Variants in UNC5C observed in about 807,000 individuals in gnomAD.
UNC5C encodes unc-5 netrin receptor C.
UNC5C carries 47 observed loss-of-function variants against 99.8 expected under a neutral mutation model. That is an observed-to-expected ratio of 0.47 (90% CI 0.37 to 0.60). The LOEUF (loss-of-function observed/expected upper bound fraction) is 0.60. Among genes scored for constraint, UNC5C ranks in the 20% least tolerant of loss-of-function variants. The pLI, the probability that UNC5C is intolerant of heterozygous loss-of-function variation, is 0.00. For synonymous variants in UNC5C, 487 were observed against 452.2 expected, an observed-to-expected ratio of 1.08 and a Z score of -0.98; for missense variants, 1,062 against 1,165.9, an observed-to-expected ratio of 0.91 and a Z score of 1.30.
At chr4:95,448,493 A>G (rs545611758) in intron 1 of UNC5C, among the ~76,000 whole-genome samples, 151 of 152,286 alleles carry the variant, frequency 9.9e-4, no homozygotes, top group Non-Finnish European at 1.7e-3. Flanking sequence ...TATGAAATCA[A>G]TTTTAAATTC....
At chr4:95,281,693 A>T (rs745341452) in intron 3 of UNC5C, among the ~76,000 whole-genome samples, 10 of 152,234 alleles carry the variant, frequency 6.6e-5, no homozygotes, top group Non-Finnish European at 1.0e-4. Flanking sequence ...TGGTACAAAC[A>T]CTGAGTGGCA....
chr4:95,531,824 A>G (rs935408137), intron 1 of UNC5C, among the ~76,000 whole-genome samples: 6 of 152,226 alleles, frequency 3.9e-5, no homozygotes, highest in South Asian at 4.1e-4. Flanking sequence ...TTGACTTTAT[A>G]GTGGAGAAAA....
intron 1 of UNC5C, among the ~76,000 whole-genome samples, chr4:95,529,967 C>G (rs1722600577): frequency 1.3e-5 from 2 of 152,160 alleles, no homozygotes; most frequent in Admixed American, 1.3e-4. Flanking sequence ...AATCTGTCTT[C>G]CATATTTGGT....
intron 1 of UNC5C, among the ~76,000 whole-genome samples, chr4:95,489,104 G>T (rs1201839474): frequency 6.7e-6 from 1 of 149,648 alleles, no homozygotes; most frequent in Admixed American, 6.7e-5. Flanking sequence ...GCAGGAAAGG[G>T]GGAGGGGGAG....
chr4:95,520,012 T>C (rs1722309339), intron 1 of UNC5C, among the ~76,000 whole-genome samples: 1 of 152,326 alleles, frequency 6.6e-6, no homozygotes, highest in South Asian at 2.1e-4. Flanking sequence ...AGATGGATTC[T>C]TATGCTTTCC....
chr4:95,455,424 T>A (rs917547333), intron 1 of UNC5C, among the ~76,000 whole-genome samples: 9 of 151,916 alleles, frequency 5.9e-5, no homozygotes, highest in African/African-American at 2.2e-4. Context: ...ATCCCAACAC[T>A]TTGGGAGGTT....
intron 4 of UNC5C, among the ~76,000 whole-genome samples, chr4:95,268,256 T>C (rs1380125832): frequency 6.6e-6 from 1 of 152,238 alleles, no homozygotes; most frequent in Non-Finnish European, 1.5e-5. Flanking sequence ...TCTTTTAGTG[T>C]AACCTTTTAC....
At chr4:95,359,428 C>A (rs1744314352) in intron 1 of UNC5C, among the ~76,000 whole-genome samples, 2 of 151,754 alleles carry the variant, frequency 1.3e-5, no homozygotes, top group Non-Finnish European at 2.9e-5. Flanking sequence ...GCTTCAGCAT[C>A]ATTTGTTAAA....
At chr4:95,434,730 T>A (rs1035392694) in intron 1 of UNC5C, among the ~76,000 whole-genome samples, 3 of 152,050 alleles carry the variant, frequency 2.0e-5, no homozygotes, top group Non-Finnish European at 2.9e-5. Context: ...ATGACTATAT[T>A]ATCTTTCTCC....
intron 1 of UNC5C, among the ~76,000 whole-genome samples, chr4:95,349,707 C>T (rs1204586451): frequency 6.6e-6 from 1 of 151,870 alleles, no homozygotes; most frequent in Non-Finnish European, 1.5e-5. Flanking sequence ...TAAAAAAAAT[C>T]ACTTGATGTC....
rs370037692 is a variant in UNC5C, at chr4:95,420,378, A to G, written c.125-84747T>C. ...ATTTGTGTCAATGGGGACACATAAT[A>G]AAATAATCAATATTTTCATAAGTCT... On this transcript the variant is annotated intron_variant, in intron 1 of 15. Coordinates refer to ENST00000453304, the MANE Select transcript of UNC5C (RefSeq NM_003728.4). Among the ~76,000 whole-genome samples, 30 of 152,298 alleles carry G rather than the reference A, an allele frequency of 2.0e-4. No individual in the cohort carries two copies. In the South Asian group the frequency reaches 4.6e-3, roughly 23 times the overall value.
chr4:95,426,252 C>G (rs1746481636), intron 1 of UNC5C, among the ~76,000 whole-genome samples: 3 of 152,132 alleles, frequency 2.0e-5, no homozygotes, highest in Non-Finnish European at 4.4e-5. Flanking sequence ...TTTGAGGTTA[C>G]TATTGTAATT....
At chr4:95,181,588 G>A (rs1736613921) in intron 14 of UNC5C, among the ~76,000 whole-genome samples, 1 of 152,146 alleles carries the variant, frequency 6.6e-6, no homozygotes, top group South Asian at 2.1e-4. Context: ...GCCAGCAGGG[G>A]TGGTGCTGTG....
At chr4:95,205,502 G>T (rs3775046) in intron 11 of UNC5C, among the ~76,000 whole-genome samples, 103,314 of 151,870 alleles carry the variant, frequency 0.68, 35,772 homozygotes, top group Middle Eastern at 0.88. Flanking sequence ...TCTGGTACTC[G>T]TCTACATCTA....
At chr4:95,265,861 G>A (rs1346596533) in intron 4 of UNC5C, among the ~76,000 whole-genome samples, 1 of 152,106 alleles carries the variant, frequency 6.6e-6, no homozygotes, top group Non-Finnish European at 1.5e-5. Flanking sequence ...CAAATGGAGG[G>A]TGCATCCCTC....
At chr4:95,516,741 G>A (rs1225761859) in intron 1 of UNC5C, among the ~76,000 whole-genome samples, 1 of 152,100 alleles carries the variant, frequency 6.6e-6, no homozygotes. Context: ...GATAATCATT[G>A]TTACATCAAT....
At chr4:95,399,239 C>G (rs1363865450) in intron 1 of UNC5C, among the ~76,000 whole-genome samples, 2 of 152,104 alleles carry the variant, frequency 1.3e-5, no homozygotes, top group Non-Finnish European at 2.9e-5. Flanking sequence ...AAGCAGTATT[C>G]TAAAAATGTT....
chr4:95,216,429 A>G (rs1194881788), intron 9 of UNC5C, among the ~76,000 whole-genome samples: 1 of 152,086 alleles, frequency 6.6e-6, no homozygotes, highest in East Asian at 1.9e-4. Context: ...AACTTTTTAA[A>G]CTCTTGTTTT....
At chr4:95,306,294 C>G (rs569989148) in intron 2 of UNC5C, among the ~76,000 whole-genome samples, 23 of 152,256 alleles carry the variant, frequency 1.5e-4, no homozygotes, top group Admixed American at 4.6e-4. Flanking sequence ...GCTCTGCCTC[C>G]CGGGTTCACA....
Sources: gnomAD v4.1 joint callset for allele counts (sites outside exome capture counted in the v4.1 genomes callset) on GRCh38, gnomAD v4.1.1 for gene constraint, MANE v1.5 for transcripts, NCBI Gene and HGNC (gene_info 2026-07-23, HGNC 2026-07-21) for gene names.